The following IFT80 variants were observed in gnomAD, a reference collection of about 807,000 sequenced individuals.
IFT80 encodes intraflagellar transport 80.
Under a neutral mutation model 107.9 loss-of-function variants are expected in IFT80, and 79 were observed. The observed-to-expected ratio is 0.73, with a 90% confidence interval of 0.61 to 0.88. The LOEUF is 0.88. Among genes scored for constraint, IFT80 ranks in the 40% least tolerant of loss-of-function variants. The pLI is 0.00. For missense variants in IFT80, 797 were observed against 914.2 expected (o/e 0.87, Z 1.65); for synonymous variants, 299 against 300.9 (o/e 0.99, Z 0.07).
At chr3:160,292,446 A>G (rs1334366074) in intron 12 of IFT80, among the ~76,000 whole-genome samples, 1 of 150,828 alleles carries the variant, frequency 6.6e-6, no homozygotes, top group Admixed American at 6.6e-5. Flanking sequence ...AGAAGCAAAG[A>G]GATATAGATT....
At chr3:160,393,858 T>C (rs1280170544) in intron 1 of IFT80, among the ~76,000 whole-genome samples, 2 of 152,070 alleles carry the variant, frequency 1.3e-5, no homozygotes, top group African/African-American at 4.8e-5. Flanking sequence ...AGATAAGAAA[T>C]TCAAGAGCTA....
intron 18 of IFT80, among the ~76,000 whole-genome samples, chr3:160,272,974 G>A (rs1023305962): frequency 2.6e-5 from 4 of 152,090 alleles, no homozygotes; most frequent in Non-Finnish European, 5.9e-5. Flanking sequence ...TAAATACTAC[G>A]TCATTTTATA....
chr3:160,366,474 T>C (rs1721874267), intron 5 of IFT80, among the ~76,000 whole-genome samples: 1 of 152,038 alleles, frequency 6.6e-6, no homozygotes, highest in Non-Finnish European at 1.5e-5. Context: ...ATACTTCATT[T>C]TTAATATATA....
At chr3:160,269,958 C>A (rs1030496859) in intron 18 of IFT80, among the ~76,000 whole-genome samples, 1 of 152,082 alleles carries the variant, frequency 6.6e-6, no homozygotes, top group Non-Finnish European at 1.5e-5. Flanking sequence ...CAACTAGACT[C>A]TTCACTAGGA....
At chr3:160,324,036 T>G (rs562298930) in intron 8 of IFT80, among the ~76,000 whole-genome samples, 23 of 151,988 alleles carry the variant, frequency 1.5e-4, no homozygotes, top group East Asian at 9.7e-4. Context: ...TAGAAGAAAT[T>G]GATAAATTCC....
chr3:160,308,311 C>T (rs1190359680), intron 9 of IFT80, among the ~76,000 whole-genome samples: 1 of 151,952 alleles, frequency 6.6e-6, no homozygotes, highest in Non-Finnish European at 1.5e-5. Context: ...AAAGGTATTT[C>T]CATATGCAAA....
chr3:160,288,256 C>T (rs1715250872), intron 12 of IFT80, among the ~76,000 whole-genome samples: 1 of 152,168 alleles, frequency 6.6e-6, no homozygotes, highest in South Asian at 2.1e-4. Context: ...TGGCGTGAAC[C>T]CGGGAGGCGG....
chr3:160,285,777 A>T (rs1208842533), intron 13 of IFT80, 27 bp downstream of exon 13: 2 of 1,428,474 alleles, frequency 1.4e-6, no homozygotes, highest in Non-Finnish European at 2.0e-6. Flanking sequence ...GTGGCTATTT[A>T]CATTAGAAGT....
At chr3:160,314,508 T>C (rs758773657) in intron 9 of IFT80, among the ~76,000 whole-genome samples, 18 of 152,106 alleles carry the variant, frequency 1.2e-4, no homozygotes, top group Non-Finnish European at 2.5e-4. Flanking sequence ...GGCAAATAAG[T>C]CTACTGTAGG....
At chr3:160,353,625 T>C (rs982533147) in intron 8 of IFT80, among the ~76,000 whole-genome samples, 1 of 152,210 alleles carries the variant, frequency 6.6e-6, no homozygotes, top group Admixed American at 6.5e-5. Context: ...GGAGAACTAC[T>C]AATTCTTCAA....
In IFT80 at chr3:160,277,583, C is replaced by T; in HGVS notation, c.1924G>A (p.Glu642Lys). The change falls in exon 17 of 20, where the codon GAA becomes AAA. Residue 642 changes from glutamate (E) to lysine (K), a missense_variant and splice_region_variant. By Grantham distance (56) the Glu-to-Lys change is moderately conservative (BLOSUM62 1). Coordinates refer to ENST00000326448, the MANE Select transcript of IFT80 (RefSeq NM_020800.3). ...TAEIAYAAIG[E>K]IDKVQYINSI... ...ATATGTAAACATTAATTACTTACTT[C>T]ACCAATTGCTGCATAGGCTATTTCT... 6.2e-7 allele frequency: 1 copy of T among 1,610,930 alleles called. No homozygotes were observed. Among genetic ancestry groups the T allele is most frequent in the Non-Finnish European group, 8.5e-7 (1 of 1,177,278 alleles).
intron 1 of IFT80, among the ~76,000 whole-genome samples, chr3:160,388,031 C>A (rs1374612963): frequency 1.3e-5 from 2 of 151,336 alleles, no homozygotes; most frequent in African/African-American, 2.4e-5. Flanking sequence ...GGTCAAGGAA[C>A]TGACAGGCCA....
In IFT80 at chr3:160,360,593, C is replaced by G. The variant is rs189408502; in HGVS notation, c.550-3015G>C. Among the ~76,000 whole-genome samples the G allele has an allele frequency of 1.2e-4, 18 of 152,120 alleles. No homozygotes were observed. The South Asian group carries it at 3.5e-3, about 30-fold the overall frequency. On this transcript the variant is annotated intron_variant, in intron 6 of 19. Transcript: ENST00000326448. ...GTAGAAATGAAGGAAAAAATGTTAA[C>G]GGCAGCCAGAAAGAAAGATCGGGTT...
intron 9 of IFT80, among the ~76,000 whole-genome samples, chr3:160,319,482 C>T (rs1259900929): frequency 1.3e-5 from 2 of 152,020 alleles, no homozygotes; most frequent in African/African-American, 2.4e-5. Flanking sequence ...AGCTTTTTCT[C>T]TCCTTCCCTC....
intron 8 of IFT80, among the ~76,000 whole-genome samples, chr3:160,345,502 C>T (rs1720222707): frequency 6.6e-6 from 1 of 151,924 alleles, no homozygotes; most frequent in Non-Finnish European, 1.5e-5. Flanking sequence ...GCCTGACCAA[C>T]ATGGGTGAAA....
rs62272195 is a variant in IFT80 at position 160,357,318 on chromosome 3, G to A, written c.639+171C>T. 0.047 allele frequency among the ~76,000 whole-genome samples: 7,152 copies of A among 152,176 alleles called. 226 individuals are homozygous for A. Among genetic ancestry groups the A allele is most frequent in the Middle Eastern group, 0.075 (22 of 292 alleles). ...CTGTGTTGTCCAGGCTAATGAGATA[G>A]TTTTTATGAAGTCCATGCTTTAAAA... On this transcript the variant is annotated intron_variant, in intron 7 of 19. Transcript: ENST00000326448.
At chr3:160,329,031 ATAAC>A (rs1718895124) in intron 8 of IFT80, among the ~76,000 whole-genome samples, 3 of 152,102 alleles carry the variant, frequency 2.0e-5, no homozygotes, top group Admixed American at 2.0e-4. Context: ...ATCAAGAAAA[ATAAC>A]TAATGGATAC....
chr3:160,361,759 C>T (rs139342121), intron 6 of IFT80, among the ~76,000 whole-genome samples: 2,041 of 152,238 alleles, frequency 0.013, 23 homozygotes, highest in Middle Eastern at 0.02. Context: ...AACTGAACAA[C>T]CTGCTCCTGA....
intron 8 of IFT80, among the ~76,000 whole-genome samples, chr3:160,337,381 T>C (rs1176910500): frequency 6.6e-6 from 1 of 152,156 alleles, no homozygotes; most frequent in Non-Finnish European, 1.5e-5. Flanking sequence ...ATCCCAGCAC[T>C]GTGGGAGGCT....
Sources: allele counts gnomAD v4.1 joint callset (sites outside exome capture counted in the v4.1 genomes callset), GRCh38; gene constraint gnomAD v4.1.1; transcripts MANE v1.5; gene names NCBI Gene and HGNC (gene_info 2026-07-23, HGNC 2026-07-21).